Variants in KIF13A observed in about 807,000 individuals in gnomAD.
KIF13A encodes kinesin family member 13A.
In KIF13A, 79 loss-of-function variants were observed where a neutral mutation model predicts 212.2. The ratio of observed to expected loss-of-function variants is 0.37; its 90% CI spans 0.31 to 0.45. KIF13A has a LOEUF of 0.45. Among genes scored for constraint, KIF13A ranks in the 20% least tolerant of loss-of-function variants. The pLI is 1.00. For synonymous variants in KIF13A, 789 were observed against 808.6 expected, an observed-to-expected ratio of 0.98 and a Z score of 0.41; for missense variants, 1,901 against 2,209.0, an observed-to-expected ratio of 0.86 and a Z score of 2.79.
Position 17,787,857 on chromosome 6 carries a change from C to T in KIF13A, c.3280G>A (p.Val1094Ile), listed in dbSNP as rs192133963. The change falls in exon 27 of 39, where the codon GTA (valine) becomes ATA (isoleucine). Residue 1094 changes from valine (V) to isoleucine (I), a missense_variant. Val to Ile is a conservative substitution (Grantham distance 29). Transcript: ENST00000259711. The surrounding 1 kb of genome is among the most constrained non-coding windows in gnomAD (Gnocchi z 4.6). Reference protein sequence around the residue: ...DSYQEEDLNCVRERWSDALIK... With the variant: ...DSYQEEDLNCIRERWSDALIK... Reference sequence around the variant, plus strand: ...AGTGCATCTGACCACCTCTCCCTTACGCAGTTTAAGTCTTCTTCCTAACAT... The same window carrying T: ...AGTGCATCTGACCACCTCTCCCTTATGCAGTTTAAGTCTTCTTCCTAACAT... The T allele has an allele frequency of 2.7e-5, 44 of 1,609,824 alleles. No individual in the cohort carries two copies. Among genetic ancestry groups the T allele is most frequent in the Non-Finnish European group, 3.5e-5 (41 of 1,176,252 alleles).
At chr6:17,767,233 G>A (rs2150286031) in intron 38 of KIF13A, among the ~76,000 whole-genome samples, 1 of 151,580 alleles carries the variant, frequency 6.6e-6, no homozygotes, top group South Asian at 2.1e-4. Context: ...TTCTCTACTT[G>A]TCATGTTTAG....
chr6:17,949,540 G>T (rs1239697348), intron 2 of KIF13A, among the ~76,000 whole-genome samples: 1 of 151,798 alleles, frequency 6.6e-6, no homozygotes, highest in Non-Finnish European at 1.5e-5. Context: ...CTCTTAAGGG[G>T]TAAAGAGGAG....
intron 2 of KIF13A, among the ~76,000 whole-genome samples, chr6:17,946,699 C>T (rs1777429479): frequency 6.6e-6 from 1 of 152,166 alleles, no homozygotes; most frequent in African/African-American, 2.4e-5. Flanking sequence ...ATTTTACATG[C>T]ACATAGTAAA....
chr6:17,817,115 G>C lies in KIF13A; in HGVS notation c.1905C>G (p.Leu635=). 12 of 1,614,026 alleles carry C rather than the reference G, an allele frequency of 7.4e-6. No homozygotes were observed. Among genetic ancestry groups the C allele is most frequent in the African/African-American group, 1.3e-5 (1 of 75,070 alleles). The part of the protein sequence containing the change: ...ERELEQLRQQ[L]SPDRQPQSSG... ...TACTCTGTGGCTGCCTGTCGGGGGA[G>C]AGCTGCTGGCGGAGTTGCTCCAGTT... Residue 635 remains leucine, a synonymous_variant, in exon 17 of 39, where the codon CTC becomes CTG. Transcript: ENST00000259711.
chr6:17,827,664 T>C (rs1765090307), intron 14 of KIF13A, among the ~76,000 whole-genome samples: 1 of 152,016 alleles, frequency 6.6e-6, no homozygotes, highest in East Asian at 1.9e-4. Context: ...ACTAGAGGAA[T>C]TGAACACCAT....
At position 17,826,217 on chromosome 6, in the gene KIF13A, T is replaced by G. The variant is rs1764949066; in HGVS notation, c.1533-93A>C. 1 of 857,948 alleles carries G rather than the reference T, an allele frequency of 1.2e-6. No homozygotes were observed. The highest frequency in any genetic ancestry group is 1.7e-5 in the African/African-American group (1 of 59,084). 53.1% of individuals were successfully genotyped at this position (857,948 alleles called of 1,614,324 possible). ...AGAGATAACTAGGGGAGCTTTCTCT[T>G]AATAAATGCATTCCAACTAACGCTT... On this transcript the variant is annotated intron_variant, in intron 14 of 38. Coordinates refer to ENST00000259711, the MANE Select transcript of KIF13A (RefSeq NM_022113.6). This position sits in a 1 kb window ranked among gnomAD's most constrained non-coding sequence, Gnocchi z 4.7.
rs1370024596 is a variant in KIF13A, at chr6:17,837,655, T to A, written c.831-72A>T. On this transcript the variant is annotated intron_variant, in intron 9 of 38. Coordinates refer to ENST00000259711, the MANE Select transcript of KIF13A (RefSeq NM_022113.6). The surrounding 1 kb of genome is among the most constrained non-coding windows in gnomAD (Gnocchi z 5.4). ...TTTAAGTATAAAATATGCAGAACAA[T>A]AAAGCTCCACAGTTAATACACGTTG... 9.4e-7 allele frequency: 1 copy of A among 1,062,790 alleles called. No individual in the cohort carries two copies. Among genetic ancestry groups the A allele is most frequent in the Non-Finnish European group, 1.4e-6 (1 of 709,074 alleles). 65.8% of individuals were successfully genotyped at this position (1,062,790 alleles called of 1,614,324 possible). A position where few individuals can be genotyped will look rare whatever the true frequency, so the allele number is the denominator to read the frequency against.
intron 9 of KIF13A, among the ~76,000 whole-genome samples, chr6:17,841,013 C>T (rs146064192): frequency 1.1e-3 from 173 of 152,200 alleles, no homozygotes; most frequent in African/African-American, 4.0e-3. Flanking sequence ...CTCTTATTCA[C>T]CATACTTTTC....
Position 17,783,633 on chromosome 6 carries a change from A to G in KIF13A, c.3544+13T>C. Reference sequence around the variant, plus strand: ...AAATACAATAATCCCTGTGACTTTAAGTGTCTACTTACCATTCAAATCGAG... The same window carrying G: ...AAATACAATAATCCCTGTGACTTTAGGTGTCTACTTACCATTCAAATCGAG... On this transcript the variant is annotated intron_variant, in intron 29 of 38. Coordinates refer to ENST00000259711, the MANE Select transcript of KIF13A (RefSeq NM_022113.6). This position sits in a 1 kb window ranked among gnomAD's most constrained non-coding sequence, Gnocchi z 4.3. The G allele has an allele frequency of 1.3e-6, 2 of 1,527,734 alleles. No individual in the cohort carries two copies. Among genetic ancestry groups the G allele is most frequent in the African/African-American group, 1.4e-5 (1 of 73,274 alleles). 94.6% of individuals were successfully genotyped at this position (1,527,734 alleles called of 1,614,324 possible). A position where few individuals can be genotyped will look rare whatever the true frequency, so the allele number is the denominator to read the frequency against.
intron 35 of KIF13A, 122 bp downstream of exon 35, chr6:17,774,893 T>TC: frequency 3.1e-6 from 2 of 645,966 alleles, no homozygotes; most frequent in Non-Finnish European, 5.2e-6. Context: ...TTTTTCTTTT[T>TC]CTTTTTTTTT....
chr6:17,874,283 G>GTTTTGT (rs1554188470), intron 3 of KIF13A, among the ~76,000 whole-genome samples: 3 of 147,940 alleles, frequency 2.0e-5, no homozygotes, highest in Non-Finnish European at 3.0e-5. Flanking sequence ...TTTTGTTTTT[G>GTTTTGT]TTTTTTGGTG....
chr6:17,828,165 A>C lies in KIF13A; in HGVS notation c.1532+75T>G. 6.8e-7 allele frequency: 1 copy of C among 1,470,394 alleles called. No individual in the cohort carries two copies. Among genetic ancestry groups the C allele is most frequent in the Non-Finnish European group, 9.2e-7 (1 of 1,084,950 alleles). The allele number at this position is 1,470,394 out of a possible 1,614,324, so 91.1% of individuals were successfully genotyped here. On this transcript the variant is annotated intron_variant, in intron 14 of 38. Coordinates refer to ENST00000259711, the MANE Select transcript of KIF13A (RefSeq NM_022113.6). The surrounding 1 kb of genome is among the most constrained non-coding windows in gnomAD (Gnocchi z 4.3). ...CTTAACTTTAATATAGCTGAAAGCA[A>C]ACAGAAAGAGGCAGCCTTCTCCTTC...
Position 17,915,849 on chromosome 6 carries a change from C to G in KIF13A, c.147-17669G>C, listed in dbSNP as rs1774447582. On this transcript the variant is annotated intron_variant, in intron 2 of 38. Coordinates refer to ENST00000259711, the MANE Select transcript of KIF13A (RefSeq NM_022113.6). The surrounding 1 kb of genome is among the most constrained non-coding windows in gnomAD (Gnocchi z 4.4). ...TGGTAGCAAGAGCCTATAGTCCCAG[C>G]TACCCAAGAGGCTGAGGTGGTAGGA... Among the ~76,000 whole-genome samples, 1 of 151,646 alleles carries G rather than the reference C, an allele frequency of 6.6e-6. No individual in the cohort carries two copies. The highest frequency in any genetic ancestry group is 1.5e-5 in the Non-Finnish European group (1 of 67,948).
intron 2 of KIF13A, among the ~76,000 whole-genome samples, chr6:17,927,512 G>T (rs181878882): frequency 3.1e-3 from 468 of 152,216 alleles, no homozygotes; most frequent in Non-Finnish European, 5.4e-3. Context: ...GGTTGGGGGT[G>T]GGGGACAGAA....
In KIF13A at chr6:17,856,406, T is replaced by G. The variant is rs1562061635; in HGVS notation, c.221-284A>C. ...GGCCATATGGAAGCAGCATTCAAAT[T>G]TGGTTGTTTTTTCTTATGACTAATA... On this transcript the variant is annotated intron_variant, in intron 4 of 38. Transcript: ENST00000259711. The surrounding 1 kb of genome is among the most constrained non-coding windows in gnomAD (Gnocchi z 4.5). Among the ~76,000 whole-genome samples, 1 of 152,140 alleles carries G rather than the reference T, an allele frequency of 6.6e-6. No individual in the cohort carries two copies. Among genetic ancestry groups the G allele is most frequent in the Non-Finnish European group, 1.5e-5 (1 of 68,026 alleles).
intron 2 of KIF13A, among the ~76,000 whole-genome samples, chr6:17,975,425 T>A (rs893187977): frequency 1.3e-5 from 2 of 152,118 alleles, no homozygotes; most frequent in Non-Finnish European, 2.9e-5. Context: ...TTTTGGTGGG[T>A]TCGTGATCTC....
rs999568246 is a variant in KIF13A, at chr6:17,826,195, G to A, written c.1533-71C>T. 6 of 1,118,468 alleles carry A rather than the reference G, an allele frequency of 5.4e-6. No homozygotes were observed. The highest frequency in any genetic ancestry group is 8.1e-6 in the Non-Finnish European group (6 of 744,106). The allele number at this position is 1,118,468 out of a possible 1,614,324, so 69.3% of individuals were successfully genotyped here. A position where few individuals can be genotyped will look rare whatever the true frequency, so the allele number is the denominator to read the frequency against. On this transcript the variant is annotated intron_variant, in intron 14 of 38. Transcript: ENST00000259711. The surrounding 1 kb of genome is among the most constrained non-coding windows in gnomAD (Gnocchi z 4.7). Reference sequence around the variant, plus strand: ...AAGACCTTGTCCTGGTAGCCAAAGAGATAACTAGGGGAGCTTTCTCTTAAT... The same window carrying A: ...AAGACCTTGTCCTGGTAGCCAAAGAAATAACTAGGGGAGCTTTCTCTTAAT...
intron 3 of KIF13A, among the ~76,000 whole-genome samples, chr6:17,877,797 C>T (rs1770707653): frequency 6.6e-6 from 1 of 152,004 alleles, no homozygotes; most frequent in African/African-American, 2.4e-5. Flanking sequence ...AATCCTCCCA[C>T]CAAGAACCTT....
At position 17,839,812 on chromosome 6, in the gene KIF13A, A is replaced by G. The variant is rs1486265013; in HGVS notation, c.831-2229T>C. ...GGGAACGCCGAGGATTGATGGCCCT[A>G]CAGAAACAAGGGGAGAGGCATGGAA... On this transcript the variant is annotated intron_variant, in intron 9 of 38. Transcript: ENST00000259711. This position sits in a 1 kb window ranked among gnomAD's most constrained non-coding sequence, Gnocchi z 4.3. Among the ~76,000 whole-genome samples, 1 of 152,182 alleles carries G rather than the reference A, an allele frequency of 6.6e-6. No individual in the cohort carries two copies. The highest frequency in any genetic ancestry group is 2.1e-4 in the South Asian group (1 of 4,830).
Sources: gnomAD v4.1 joint callset for allele counts (sites outside exome capture counted in the v4.1 genomes callset) on GRCh38, gnomAD v4.1.1 for gene constraint, Gnocchi (gnomAD v3.1) non-coding constraint, MANE v1.5 for transcripts, NCBI Gene and HGNC (gene_info 2026-07-23, HGNC 2026-07-21) for gene names.